The following SDHC variants were observed in gnomAD, a reference collection of about 807,000 sequenced individuals.
SDHC encodes succinate dehydrogenase cytochrome b560 subunit, mitochondrial.
SDHC carries 11 observed loss-of-function variants against 22.6 expected under a neutral mutation model. That is an observed-to-expected ratio of 0.49 (90% CI 0.31 to 0.81). The LOEUF is 0.81. Ranked by LOEUF, SDHC falls within the 30% of genes least tolerant of loss-of-function variation. The pLI is 0.05. For missense variants in SDHC, 160 were observed against 212.0 expected, an observed-to-expected ratio of 0.75 and a Z score of 1.52; for synonymous variants, 80 against 77.8, an observed-to-expected ratio of 1.03 and a Z score of -0.15.
intron 1 of SDHC, among the ~76,000 whole-genome samples, chr1:161,323,147 C>T (rs1670901426): frequency 6.6e-6 from 1 of 151,954 alleles, no homozygotes; most frequent in South Asian, 2.1e-4. Flanking sequence ...TACAGGCATG[C>T]GCCACCACGC....
intron 4 of SDHC, among the ~76,000 whole-genome samples, chr1:161,348,796 C>A (rs1032991542): frequency 6.6e-6 from 1 of 151,710 alleles, no homozygotes; most frequent in African/African-American, 2.4e-5. Context: ...TAGGATCGCA[C>A]CAGTGCACTC....
intron 5 of SDHC, among the ~76,000 whole-genome samples, chr1:161,361,568 A>G (rs1275240332): frequency 6.6e-6 from 1 of 152,160 alleles, no homozygotes; most frequent in Non-Finnish European, 1.5e-5. Context: ...GGCTGGGCGC[A>G]GTGGCTCACG....
At chr1:161,344,484 T>G (rs1316932155) in intron 4 of SDHC, among the ~76,000 whole-genome samples, 1 of 151,618 alleles carries the variant, frequency 6.6e-6, no homozygotes, top group Non-Finnish European at 1.5e-5. Flanking sequence ...AAAAAAGTTG[T>G]TTTTTTTCTG....
chr1:161,323,514 C>T (rs1670916575), intron 1 of SDHC, 100 bp from the exon 2 acceptor site: 1 of 880,050 alleles, frequency 1.1e-6, no homozygotes, highest in Admixed American at 1.9e-5. Flanking sequence ...GTTTTTATAT[C>T]TTACTTTTAA....
chr1:161,332,900 T>C (rs11583870), intron 3 of SDHC, among the ~76,000 whole-genome samples: 16,500 of 152,274 alleles, frequency 0.11, 1,030 homozygotes, highest in African/African-American at 0.15. Context: ...CCCAAAGTGC[T>C]GGGATTATAG....
chr1:161,330,828 T>C (rs1671244429), intron 3 of SDHC, among the ~76,000 whole-genome samples: 1 of 152,032 alleles, frequency 6.6e-6, no homozygotes, highest in Admixed American at 6.6e-5. Flanking sequence ...GGTGAAACCC[T>C]GTCTCTACGA....
intron 4 of SDHC, among the ~76,000 whole-genome samples, chr1:161,346,513 C>T (rs928017754): frequency 2.6e-5 from 4 of 152,074 alleles, no homozygotes; most frequent in Non-Finnish European, 4.4e-5. Context: ...ATTCTCCTGC[C>T]TCAGCCTCCC....
At chr1:161,331,460 G>A (rs1342239120) in intron 3 of SDHC, among the ~76,000 whole-genome samples, 2 of 151,870 alleles carry the variant, frequency 1.3e-5, no homozygotes, top group African/African-American at 4.8e-5. Flanking sequence ...TAGACATGGT[G>A]TATCACCATC....
intron 4 of SDHC, among the ~76,000 whole-genome samples, chr1:161,353,950 G>A (rs1672179452): frequency 6.6e-6 from 1 of 152,126 alleles, no homozygotes; most frequent in South Asian, 2.1e-4. Flanking sequence ...TACCTGGGCT[G>A]GAGTGCAGTA....
At chr1:161,343,932 C>T (rs1671805068) in intron 4 of SDHC, among the ~76,000 whole-genome samples, 4 of 152,034 alleles carry the variant, frequency 2.6e-5, no homozygotes, top group Admixed American at 2.6e-4. Context: ...ATTATTTGGG[C>T]AGGGTGCAGT....
rs764575966 is a variant in SDHC, at chr1:161,356,832, C to T, written c.397C>T (p.Arg133Ter). 2.5e-5 allele frequency: 40 copies of T among 1,613,832 alleles called. No individual in the cohort carries two copies. Among genetic ancestry groups the T allele is most frequent in the South Asian group, 5.5e-5 (5 of 91,070 alleles). ...CATGTATCATACCTGGAATGGGATC[C>T]GACACTTGGTAAGTTAATTCGGGAT... ...PLMYHTWNGIRHLMWDLGKGL... is the reference protein window; with the variant it reads ...PLMYHTWNGI The change falls in exon 5 of 6, where the codon CGA (arginine) becomes TGA (stop). Residue 133 changes from arginine to a stop codon, truncating the protein, a stop_gained. Coordinates refer to ENST00000367975, the MANE Select transcript of SDHC (RefSeq NM_003001.5). LOFTEE classifies it high-confidence loss of function.
chr1:161,352,964 G>A (rs145433959), intron 4 of SDHC, among the ~76,000 whole-genome samples: 5 of 152,250 alleles, frequency 3.3e-5, no homozygotes, highest in African/African-American at 4.8e-5. Context: ...GCGACAGAGC[G>A]AGACTCCGTC....
chr1:161,346,015 G>A (rs1157037087), intron 4 of SDHC, among the ~76,000 whole-genome samples: 2 of 151,042 alleles, frequency 1.3e-5, no homozygotes, highest in Non-Finnish European at 3.0e-5. Context: ...TATTTGGCCA[G>A]GCTGGTCTCA....
At chr1:161,354,039 CAG>C (rs150113140) in intron 4 of SDHC, among the ~76,000 whole-genome samples, 2,247 of 152,166 alleles carry the variant, frequency 0.015, 53 homozygotes, top group African/African-American at 0.052. Context: ...TTAGTAGAGA[CAG>C]GGTCTCATTA....
intron 2 of SDHC, among the ~76,000 whole-genome samples, 180 bp from the exon 3 acceptor site, chr1:161,328,216 G>T (rs569240933): frequency 6.6e-6 from 1 of 152,134 alleles, no homozygotes; most frequent in East Asian, 1.9e-4. Context: ...TGGTCAGGCT[G>T]GTCTCGAACT....
At chr1:161,345,738 G>T (rs557866341) in intron 4 of SDHC, among the ~76,000 whole-genome samples, 1 of 152,198 alleles carries the variant, frequency 6.6e-6, no homozygotes, top group African/African-American at 2.4e-5. Context: ...TTACAGGCTT[G>T]AGCCACTGCG....
chr1:161,339,775 G>A (rs1318076316), intron 3 of SDHC, among the ~76,000 whole-genome samples: 1 of 144,938 alleles, frequency 6.9e-6, no homozygotes, highest in African/African-American at 2.5e-5. Context: ...CCACCTCCTG[G>A]GTTCAAGCAA....
intron 4 of SDHC, among the ~76,000 whole-genome samples, chr1:161,349,485 A>T (rs1450835493): frequency 1.3e-5 from 2 of 152,140 alleles, no homozygotes; most frequent in Non-Finnish European, 2.9e-5. Context: ...AAATAAAAAT[A>T]AAAAATAAAA....
intron 4 of SDHC, among the ~76,000 whole-genome samples, chr1:161,348,666 CAAAAAAA>C (rs1159653901): frequency 3.2e-4 from 23 of 70,940 alleles, no homozygotes; most frequent in Admixed American, 2.5e-3. Context: ...ACTAAAAATC[CAAAAAAA>C]AAAAAAAAAA....
Sources: gnomAD v4.1 joint callset for allele counts (sites outside exome capture counted in the v4.1 genomes callset) on GRCh38, gnomAD v4.1.1 for gene constraint, MANE v1.5 for transcripts, NCBI Gene and HGNC (gene_info 2026-07-23, HGNC 2026-07-21) for gene names.